GPHN: variants seen among roughly 807,000 people sequenced by gnomAD.
GPHN encodes the protein gephyrin.
In GPHN, 17 loss-of-function variants were observed where a neutral mutation model predicts 95.5. The observed-to-expected ratio is 0.18, with a 90% CI of 0.12 to 0.27. The LOEUF (loss-of-function observed/expected upper bound fraction) is 0.27. GPHN is among the 10% of genes least tolerant of loss of function. GPHN has a pLI of 1.00. For missense variants in GPHN, 660 were observed against 978.1 expected (o/e 0.67, Z 4.34); for synonymous variants, 320 against 322.5 (o/e 0.99, Z 0.08).
chr14:67,589,163 G>T, the GPHN span: 862 of 167,230 alleles, frequency 5.2e-3, 30 homozygotes, highest in South Asian at 0.087. Flanking sequence ...AAAAGTAGGA[G>T]TCCAAAGGAA....
At chr14:67,340,243 C>T in the GPHN span, 6,833 of 498,336 alleles carry the variant, frequency 0.014, 73 homozygotes, top group Middle Eastern at 0.019. Context: ...TTGGAAATGC[C>T]ATGTTATAGG....
intron 1 of GPHN, among the ~76,000 whole-genome samples, chr14:66,646,613 GAAAT>G (rs2064760339): frequency 6.6e-6 from 1 of 152,052 alleles, no homozygotes; most frequent in South Asian, 2.1e-4. Flanking sequence ...TATTCTAAAT[GAAAT>G]AAGCCAGCAA....
chr14:66,658,134 C>CGAGGGGTTT (rs2065413924), intron 1 of GPHN, among the ~76,000 whole-genome samples: 1 of 151,992 alleles, frequency 6.6e-6, no homozygotes, highest in Non-Finnish European at 1.5e-5. Flanking sequence ...TTTATGACTT[C>CGAGGGGTTT]ATTGGTGGAA....
At chr14:67,364,992 G>A in the GPHN span, 2 of 1,602,284 alleles carry the variant, frequency 1.2e-6, no homozygotes, top group Non-Finnish European at 1.7e-6. Context: ...TTGTCATTAG[G>A]GTGGACAAAG....
At chr14:67,595,807 A>G in the GPHN span, among the ~76,000 whole-genome samples, 11 of 152,182 alleles carry the variant, frequency 7.2e-5, no homozygotes, top group Middle Eastern at 3.2e-3. Flanking sequence ...GGTGGAGGAC[A>G]AGTAGGGCAC....
chr14:67,019,910 G>A (rs1236362772), intron 9 of GPHN, among the ~76,000 whole-genome samples: 2 of 152,186 alleles, frequency 1.3e-5, no homozygotes, highest in African/African-American at 2.4e-5. Flanking sequence ...CCACTGCTAC[G>A]CTTTCGTGTG....
the GPHN span, among the ~76,000 whole-genome samples, chr14:67,193,543 ATATC>A: frequency 8.9e-3 from 1,288 of 144,716 alleles, 21 homozygotes; most frequent in African/African-American, 0.031. Context: ...ATAGAAATAT[ATATC>A]TATATATAGA....
At chr14:67,479,382 GC>G in the GPHN span, among the ~76,000 whole-genome samples, 1 of 148,778 alleles carries the variant, frequency 6.7e-6, no homozygotes, top group Non-Finnish European at 1.5e-5. Context: ...CTGCACTCCA[GC>G]CTGGGCTACA....
At chr14:66,571,070 C>A (rs1044728922) in intron 1 of GPHN, among the ~76,000 whole-genome samples, 1 of 152,052 alleles carries the variant, frequency 6.6e-6, no homozygotes, top group African/African-American at 2.4e-5. Flanking sequence ...TAAAGAAATA[C>A]CCAAGACTAG....
intron 9 of GPHN, among the ~76,000 whole-genome samples, chr14:66,995,603 C>T (rs1371858954): frequency 6.6e-6 from 1 of 152,192 alleles, no homozygotes; most frequent in Non-Finnish European, 1.5e-5. Context: ...CTACATTCTG[C>T]TGTGCTTGGC....
chr14:67,392,744 A>G, the GPHN span: 1 of 1,614,072 alleles, frequency 6.2e-7, no homozygotes, highest in Non-Finnish European at 8.5e-7. Context: ...TCGGACACCC[A>G]CAGGCCTGAG....
rs576186199 is a variant in GPHN, at chr14:66,801,800, C to T, written c.202-22674C>T. ...TCTGGCTACCATCTATGCCCGCTCC[C>T]GCTCCCGCTCCCTCTCCCTCTCCCT... On this transcript the variant is annotated intron_variant, in intron 3 of 22. Coordinates refer to ENST00000478722, the MANE Select transcript of GPHN (RefSeq NM_020806.5). 2.6e-4 allele frequency among the ~76,000 whole-genome samples: 37 copies of T among 143,276 alleles called. No homozygotes were observed. In the South Asian group the frequency reaches 4.6e-3, roughly 18 times the overall value. 94.0% of individuals were successfully genotyped at this position (143,276 alleles called of 152,430 possible).
intron 5 of GPHN, 23 bp from the exon 6 acceptor site, chr14:66,915,980 A>C (rs1264984498): frequency 1.4e-6 from 2 of 1,409,964 alleles, no homozygotes; most frequent in Non-Finnish European, 2.0e-6. Flanking sequence ...TTTAGTGTTC[A>C]TCTACTTTCT....
At chr14:67,227,210 G>A in the GPHN span, among the ~76,000 whole-genome samples, 1 of 152,080 alleles carries the variant, frequency 6.6e-6, no homozygotes, top group Non-Finnish European at 1.5e-5. Flanking sequence ...GGGAGGCTGA[G>A]GTGGGTGGAT....
intron 8 of GPHN, among the ~76,000 whole-genome samples, chr14:66,937,838 G>A (rs866744139): frequency 6.6e-6 from 1 of 152,102 alleles, no homozygotes; most frequent in Non-Finnish European, 1.5e-5. Context: ...ACTTTTAAAG[G>A]TCTCTATTTT....
the GPHN span, chr14:67,473,195 A>G: frequency 8.4e-6 from 5 of 595,200 alleles, no homozygotes; most frequent in South Asian, 1.0e-4. This position sits in a 1 kb window ranked among gnomAD's most constrained non-coding sequence, Gnocchi z 6.5. Flanking sequence ...CGATCCATGG[A>G]CCCTTCCCAA....
intron 4 of GPHN, among the ~76,000 whole-genome samples, chr14:66,862,423 C>T (rs901430170): frequency 6.6e-6 from 1 of 151,998 alleles, no homozygotes; most frequent in Admixed American, 6.6e-5. Context: ...AGAACTAATA[C>T]CAATCTTACT....
intron 1 of GPHN, among the ~76,000 whole-genome samples, chr14:66,668,864 C>T (rs908971170): frequency 6.6e-6 from 1 of 151,396 alleles, no homozygotes; most frequent in African/African-American, 2.4e-5. Flanking sequence ...TTACCTTTCC[C>T]ACTTTCCTGC....
the GPHN span, among the ~76,000 whole-genome samples, chr14:67,296,538 T>C: frequency 0.17 from 22,684 of 132,826 alleles, 3,362 homozygotes; most frequent in East Asian, 0.45. Context: ...GCCAAGATCG[T>C]GCCACTGCAC....
Sources: allele counts gnomAD v4.1 joint callset (sites outside exome capture counted in the v4.1 genomes callset), GRCh38; gene constraint gnomAD v4.1.1; non-coding constraint Gnocchi (gnomAD v3.1); transcripts MANE v1.5; gene names NCBI Gene and HGNC (gene_info 2026-07-23, HGNC 2026-07-21).